SAAL1: variants seen among roughly 807,000 people sequenced by gnomAD.
The protein encoded by SAAL1 is serum amyloid A like 1, also known as protein SAAL1.
In SAAL1, 42 loss-of-function variants were observed where a neutral mutation model predicts 59.8. The ratio of observed to expected loss-of-function variants is 0.70; its 90% CI spans 0.55 to 0.91. The LOEUF is 0.91. SAAL1 is among the 40% of genes least tolerant of loss of function. SAAL1 has a pLI of 0.00. For missense variants in SAAL1, 542 were observed against 561.1 expected (o/e 0.97, Z 0.34); for synonymous variants, 191 against 194.3 (o/e 0.98, Z 0.14).
intron 6 of SAAL1, among the ~76,000 whole-genome samples, chr11:18,089,791 A>G (rs1848502392): frequency 6.6e-6 from 1 of 152,202 alleles, no homozygotes; most frequent in African/African-American, 2.4e-5. Flanking sequence ...GCTTACACCT[A>G]TACTCCCAAC....
chr11:18,104,432 CAT>C (rs1227764495), intron 1 of SAAL1, among the ~76,000 whole-genome samples: 1 of 142,598 alleles, frequency 7.0e-6, no homozygotes, highest in Non-Finnish European at 1.5e-5. Flanking sequence ...TAATCCCTTA[CAT>C]TTAAGCTTTT....
chr11:18,087,677 A>T (rs954576812), intron 7 of SAAL1, among the ~76,000 whole-genome samples: 1 of 152,240 alleles, frequency 6.6e-6, no homozygotes, highest in African/African-American at 2.4e-5. Flanking sequence ...CACTAAAACC[A>T]TGTAAGTCTA....
At chr11:18,092,603 T>C (rs1246644927) in intron 3 of SAAL1, among the ~76,000 whole-genome samples, 1 of 152,112 alleles carries the variant, frequency 6.6e-6, no homozygotes, top group East Asian at 1.9e-4. Context: ...AGGAATGAGA[T>C]ATGCAAACAA....
chr11:18,090,519 T>C (rs1848513379), intron 4 of SAAL1, 26 bp from the exon 5 acceptor site: 2 of 1,591,010 alleles, frequency 1.3e-6, no homozygotes, highest in Non-Finnish European at 1.7e-6. Context: ...AGTTAACCGA[T>C]ATGCCTCACT....
In SAAL1 at chr11:18,106,052, C is replaced by G. The variant is rs775994103; in HGVS notation, c.-11G>C. The G allele has an allele frequency of 6.3e-7, 1 of 1,595,822 alleles. No individual in the cohort carries two copies. Among genetic ancestry groups the G allele is most frequent in the South Asian group, 1.1e-5 (1 of 89,734 alleles). On this transcript the variant is annotated 5_prime_UTR_variant, in exon 1 of 12. Transcript: ENST00000524803. ...GGGGTTGCGGTCCATGACTTTGTCG[C>G]GTCCCGCGCTTGAAGGCCGTGCCGG... is the stretch of plus-strand genomic sequence containing the variant.
intron 11 of SAAL1, among the ~76,000 whole-genome samples, chr11:18,080,709 C>T (rs747490629): frequency 1.3e-5 from 2 of 152,172 alleles, no homozygotes; most frequent in Non-Finnish European, 2.9e-5. Context: ...GCTAGTACTT[C>T]TCCCCCCGCC....
Position 18,106,011 on chromosome 11 carries a change from CCGG to C in SAAL1, c.28_30del (p.Pro10del), listed in dbSNP as rs74589784. On this transcript the variant is annotated inframe_deletion, in exon 1 of 12. Transcript: ENST00000524803. The stretch of plus-strand genomic sequence containing the variant: ...TCCTCCTCCTCCTCCTTGTCGCGAC[CCGG>C]CGGCGGCGGCGAGGGGTTGCGGTCC... 13 of 1,603,006 alleles carry C rather than the reference CCGG, an allele frequency of 8.1e-6. No individual in the cohort carries two copies. Among genetic ancestry groups the C allele is most frequent in the Admixed American group, 6.7e-5 (4 of 59,574 alleles).
chr11:18,080,602 G>A (rs1354440308), intron 11 of SAAL1, 111 bp from the exon 12 acceptor site: 2 of 622,726 alleles, frequency 3.2e-6, no homozygotes, highest in Non-Finnish European at 5.5e-6. Context: ...AAGAAATGCT[G>A]GCAGATCTCC....
At chr11:18,090,667 AAGAAAC>A (rs1848514992) in intron 4 of SAAL1, 174 bp from the exon 5 acceptor site, 4 of 653,664 alleles carry the variant, frequency 6.1e-6, no homozygotes, top group Non-Finnish European at 4.8e-6. Context: ...TCGTGTTTCC[AAGAAAC>A]AGAACAGAGC....
rs1260146328 is a variant in SAAL1, at chr11:18,100,579, G to A, written c.249+2654C>T. ...ACCCCATCTCTACAAAAAATACAGA[G>A]CGAGACTCTGTCTCAAAAAAAATTG... On this transcript the variant is annotated intron_variant, in intron 2 of 11. Transcript: ENST00000524803. Among the ~76,000 whole-genome samples the A allele has an allele frequency of 2.6e-5, 4 of 152,110 alleles. 1 individual carries two copies.
At position 18,103,294 on chromosome 11, in the gene SAAL1, G is replaced by A. The variant is rs772230249; in HGVS notation, c.188C>T (p.Thr63Met). The A allele has an allele frequency of 5.0e-6, 8 of 1,613,758 alleles. No individual in the cohort carries two copies. The highest frequency in any genetic ancestry group is 2.7e-5 in the African/African-American group (2 of 74,888). ...ATTCTCCATTTCTTCATCAAGCTCCGTCAGCTGCTCCTCATCATCTGAGCT... is the reference window on the plus strand; with the variant it reads ...ATTCTCCATTTCTTCATCAAGCTCCATCAGCTGCTCCTCATCATCTGAGCT... The part of the protein sequence containing the change: ...KSSSDDEEQL[T>M]ELDEEMENEI... Residue 63 changes from threonine to methionine, a missense_variant, in exon 2 of 12, where the codon ACG becomes ATG. Transcript: ENST00000524803.
Position 18,083,693 on chromosome 11 carries a change from G to T in SAAL1, c.1081C>A (p.Gln361Lys). The change falls in exon 10 of 12, where the codon CAA (glutamine) becomes AAA (lysine). Residue 361 changes from glutamine (Q) to lysine (K), a missense_variant. Transcript: ENST00000524803. ...PLIDSLIRVL[Q>K]NMEQCQKKPE... Reference sequence around the variant, plus strand: ...TTTTTCTGACACTGTTCCATATTTTGTAAGACCCGAATGAGGCTGTCAATT... The same window carrying T: ...TTTTTCTGACACTGTTCCATATTTTTTAAGACCCGAATGAGGCTGTCAATT... The T allele has an allele frequency of 6.2e-7, 1 of 1,610,516 alleles. No homozygotes were observed. The highest frequency in any genetic ancestry group is 1.3e-5 in the African/African-American group (1 of 74,946).
At chr11:18,089,128 A>G (rs1460671562) in intron 7 of SAAL1, among the ~76,000 whole-genome samples, 1 of 152,266 alleles carries the variant, frequency 6.6e-6, no homozygotes, top group African/African-American at 2.4e-5. Context: ...GTTGAGTAAC[A>G]GCCTATAGCT....
At position 18,087,012 on chromosome 11, in the gene SAAL1, A is replaced by C. The variant is rs1201279081; in HGVS notation, c.896T>G (p.Phe299Cys). ...DTGKDIWNLL[F>C]DLVCHEFCQS... The stretch of plus-strand genomic sequence containing the variant: ...GCAGAATTCATGGCAGACCAGGTCA[A>C]AAAGTAAATTCCAAATGTCTTTTCC... Residue 299 changes from phenylalanine (F) to cysteine (C), a missense_variant, in exon 9 of 12, where the codon TTT (phenylalanine) becomes TGT (cysteine). Physicochemically the swap from Phe to Cys is radical, Grantham distance 205. Coordinates refer to ENST00000524803, the MANE Select transcript of SAAL1 (RefSeq NM_138421.3). 1 of 1,613,966 alleles carries C rather than the reference A, an allele frequency of 6.2e-7. No individual in the cohort carries two copies. Among genetic ancestry groups the C allele is most frequent in the African/African-American group, 1.3e-5 (1 of 74,936 alleles).
intron 10 of SAAL1, among the ~76,000 whole-genome samples, chr11:18,082,127 T>C (rs767214230): frequency 1.6e-4 from 25 of 152,206 alleles, no homozygotes; most frequent in Non-Finnish European, 2.8e-4. Flanking sequence ...CACCTTTCTT[T>C]GATGTTCCCA....
intron 3 of SAAL1, among the ~76,000 whole-genome samples, chr11:18,094,409 A>G (rs1000945879): frequency 7.9e-5 from 12 of 152,180 alleles, no homozygotes; most frequent in Non-Finnish European, 4.4e-5. Context: ...GGATTTCAGT[A>G]TGGGGGAATG....
At chr11:18,084,587 C>T (rs1258939508) in intron 9 of SAAL1, among the ~76,000 whole-genome samples, 1 of 152,216 alleles carries the variant, frequency 6.6e-6, no homozygotes, top group Non-Finnish European at 1.5e-5. Flanking sequence ...ATGTTCTTCT[C>T]CCCAAGTATG....
In SAAL1 at chr11:18,089,592, T is replaced by G. The variant is rs76757973; in HGVS notation, c.590-82A>C. 7,130 of 1,279,570 alleles carry G rather than the reference T, an allele frequency of 5.6e-3. 146 individuals are homozygous for G. The African/African-American group carries it at 0.066, about 12-fold the overall frequency. The allele number at this position is 1,279,570 out of a possible 1,614,324, so 79.3% of individuals were successfully genotyped here. ...TTAAGCAAAATTCCTAAAGCTATTC[T>G]AAGAAAACCAAATCTTGCCAAAGCA... On this transcript the variant is annotated intron_variant, in intron 6 of 11. Transcript: ENST00000524803.
rs1196003102 is a variant in SAAL1 at position 18,105,892 on chromosome 11, C to A, written c.135+15G>T. 7 of 1,582,282 alleles carry A rather than the reference C, an allele frequency of 4.4e-6. No homozygotes were observed. Among genetic ancestry groups the A allele is most frequent in the Non-Finnish European group, 6.0e-6 (7 of 1,166,150 alleles). ...GGATGTAGGGACACCCCACGCGTGG[C>A]GCGAGTTTCCACACCTGGATGAGTC... On this transcript the variant is annotated intron_variant, in intron 1 of 11. Transcript: ENST00000524803.
Sources: gnomAD v4.1 joint callset for allele counts (sites outside exome capture counted in the v4.1 genomes callset) on GRCh38, gnomAD v4.1.1 for gene constraint, MANE v1.5 for transcripts, NCBI Gene and HGNC (gene_info 2026-07-23, HGNC 2026-07-21) for gene names.